TRPC5: variants seen among roughly 807,000 people sequenced by gnomAD.
TRPC5 encodes the protein transient receptor potential cation channel subfamily C member 5, also known as short transient receptor potential channel 5.
Under a neutral mutation model 56.5 loss-of-function variants are expected in TRPC5, and 9 were observed. The ratio of observed to expected loss-of-function variants is 0.16; its 90% CI spans 0.10 to 0.28. The LOEUF is 0.28. TRPC5 is among the 10% of genes least tolerant of loss of function. The pLI, the probability that TRPC5 is intolerant of heterozygous loss-of-function variation, is 1.00. For synonymous variants in TRPC5, 282 were observed against 278.5 expected, an observed-to-expected ratio of 1.01 and a Z score of -0.13; for missense variants, 469 against 748.9, an observed-to-expected ratio of 0.63 and a Z score of 4.36.
chrX:112,053,517 C>G (rs1411923934), intron 1 of TRPC5, among the ~76,000 whole-genome samples: 1 of 111,081 alleles, frequency 9.0e-6, no homozygotes, highest in African/African-American at 3.3e-5. Context: ...TTAATGGCAC[C>G]AGTACTAATA....
chrX:111,857,966 C>A (rs1187709366), intron 3 of TRPC5, among the ~76,000 whole-genome samples: 11 of 112,462 alleles, frequency 9.8e-5, no homozygotes, highest in African/African-American at 3.2e-4. Flanking sequence ...CAACCTTTAT[C>A]TTCAATGCCT....
intron 7 of TRPC5, among the ~76,000 whole-genome samples, chrX:111,786,059 A>G (rs1353459864): frequency 9.0e-6 from 1 of 111,455 alleles, no homozygotes; most frequent in Non-Finnish European, 1.9e-5. Flanking sequence ...CAGGAAATAC[A>G]GAGAACATCA....
At chrX:112,076,440 CT>C (rs966854457) in intron 1 of TRPC5, among the ~76,000 whole-genome samples, 62 of 109,609 alleles carry the variant, frequency 5.7e-4, no homozygotes, top group Non-Finnish European at 1.3e-4. Flanking sequence ...AGGAGTTGCT[CT>C]TTTTTTTTCA....
At chrX:111,904,315 A>G (rs969926673) in intron 3 of TRPC5, among the ~76,000 whole-genome samples, 3 of 112,493 alleles carry the variant, frequency 2.7e-5, no homozygotes, top group Non-Finnish European at 5.6e-5. Context: ...TTTCAGGAAT[A>G]TCTGAAAAAT....
At chrX:111,938,769 T>C (rs184149603) in intron 2 of TRPC5, among the ~76,000 whole-genome samples, 33 of 112,435 alleles carry the variant, frequency 2.9e-4, no homozygotes, top group Admixed American at 2.6e-3. Context: ...CTGAGGATTT[T>C]TGCATCAATG....
chrX:111,909,826 A>G (rs1925759424), intron 3 of TRPC5, among the ~76,000 whole-genome samples: 1 of 111,748 alleles, frequency 8.9e-6, no homozygotes, highest in South Asian at 3.7e-4. Context: ...GAAAGAGGAA[A>G]AAATAATGAG....
intron 1 of TRPC5, among the ~76,000 whole-genome samples, chrX:111,966,630 C>T (rs1293052838): frequency 1.8e-5 from 2 of 111,833 alleles, no homozygotes; most frequent in Non-Finnish European, 3.8e-5. Context: ...GCTTATCCAC[C>T]ATGATCAAGT....
chrX:111,893,841 C>G lies in TRPC5; in HGVS notation c.900+18450G>C, dbSNP rs139386858. 3.0e-3 allele frequency among the ~76,000 whole-genome samples: 339 copies of G among 111,490 alleles called. 5 individuals carry two copies. The highest frequency in any genetic ancestry group is 0.011 in the African/African-American group (332 of 30,700). ...TTTTTTTAAAGGCAAAAGTTTGTAGCTTTTTCAAAAAGAGTTTAAAGTGTA... is the reference window on the plus strand; with the variant it reads ...TTTTTTTAAAGGCAAAAGTTTGTAGGTTTTTCAAAAAGAGTTTAAAGTGTA... On this transcript the variant is annotated intron_variant, in intron 3 of 10. Transcript: ENST00000262839.
chrX:111,804,884 A>G (rs147321838), intron 7 of TRPC5, among the ~76,000 whole-genome samples: 360 of 111,979 alleles, frequency 3.2e-3, no homozygotes, highest in Non-Finnish European at 5.0e-3. Context: ...TTCCAACACT[A>G]TGTTGAATAC....
At chrX:112,027,272 T>C (rs1214500325) in intron 1 of TRPC5, among the ~76,000 whole-genome samples, 5 of 111,747 alleles carry the variant, frequency 4.5e-5, no homozygotes, top group Non-Finnish European at 3.8e-5. Context: ...GGAAAATGTG[T>C]GTGTGTATGT....
At chrX:111,810,841 T>C (rs1325923331) in intron 7 of TRPC5, among the ~76,000 whole-genome samples, 1 of 111,994 alleles carries the variant, frequency 8.9e-6, no homozygotes, top group Non-Finnish European at 1.9e-5. Flanking sequence ...TTGGTACTAC[T>C]AATAATTAAA....
chrX:111,834,569 G>T (rs1287640787), intron 7 of TRPC5, among the ~76,000 whole-genome samples: 1 of 111,910 alleles, frequency 8.9e-6, no homozygotes, highest in Non-Finnish European at 1.9e-5. Context: ...TAGAGAACCA[G>T]ATCAGCTGAA....
chrX:111,978,852 G>GT (rs1021806696), intron 1 of TRPC5, among the ~76,000 whole-genome samples: 13 of 111,008 alleles, frequency 1.2e-4, no homozygotes, highest in African/African-American at 3.9e-4. Context: ...CAAGTCATAC[G>GT]TTTTAAGTAT....
chrX:111,825,273 C>T (rs1235342641), intron 7 of TRPC5, among the ~76,000 whole-genome samples: 4 of 95,380 alleles, frequency 4.2e-5, no homozygotes, highest in African/African-American at 8.0e-5. Flanking sequence ...TTTCTTTCTT[C>T]GACAGTCTTG....
At chrX:111,889,575 G>A (rs1924704569) in intron 3 of TRPC5, among the ~76,000 whole-genome samples, 1 of 112,216 alleles carries the variant, frequency 8.9e-6, no homozygotes, top group Non-Finnish European at 1.9e-5. Flanking sequence ...TGAGTGTCAA[G>A]CATATAAAGC....
chrX:111,788,681 A>C (rs1233516508), intron 7 of TRPC5, among the ~76,000 whole-genome samples: 1 of 111,878 alleles, frequency 8.9e-6, no homozygotes, highest in Non-Finnish European at 1.9e-5. Flanking sequence ...CCTCAGCCCA[A>C]AATCTCCTTA....
chrX:111,960,483 G>A (rs186627219), intron 1 of TRPC5, among the ~76,000 whole-genome samples: 12 of 112,158 alleles, frequency 1.1e-4, no homozygotes, highest in African/African-American at 3.9e-4. Context: ...GCTGCATGGG[G>A]GATTTTAAAT....
At chrX:112,074,593 C>G (rs973839725) in intron 1 of TRPC5, among the ~76,000 whole-genome samples, 14 of 111,376 alleles carry the variant, frequency 1.3e-4, no homozygotes, top group African/African-American at 4.6e-4. Context: ...CCTCTACAGA[C>G]TGAACTTCCC....
intron 3 of TRPC5, among the ~76,000 whole-genome samples, chrX:111,878,324 A>G (rs971649278): frequency 1.8e-5 from 2 of 111,654 alleles, no homozygotes; most frequent in Non-Finnish European, 3.8e-5. Context: ...GAAAAAAAAA[A>G]CTAAGTGATA....
Sources: allele counts gnomAD v4.1 joint callset (sites outside exome capture counted in the v4.1 genomes callset), GRCh38; gene constraint gnomAD v4.1.1; transcripts MANE v1.5; gene names NCBI Gene and HGNC (gene_info 2026-07-23, HGNC 2026-07-21).